The following FAM227B variants were observed in gnomAD, a reference collection of about 807,000 sequenced individuals.
The protein encoded by FAM227B is protein FAM227B.
A neutral mutation model predicts 73.8 loss-of-function variants in FAM227B; 88 were observed. The observed-to-expected ratio is 1.19, with a 90% CI of 1.00 to 1.42. FAM227B has a LOEUF of 1.42. Ranked by LOEUF, FAM227B falls within the 40% of genes most tolerant of loss-of-function variation. The pLI is 0.00. For missense variants in FAM227B, 632 were observed against 590.9 expected (o/e 1.07, Z -0.72); for synonymous variants, 210 against 190.5 (o/e 1.10, Z -0.84).
At chr15:49,414,065 A>G (rs1419226730) in intron 11 of FAM227B, among the ~76,000 whole-genome samples, 2 of 151,926 alleles carry the variant, frequency 1.3e-5, no homozygotes, top group Non-Finnish European at 2.9e-5. Flanking sequence ...TCCTCCAATA[A>G]TTTAAGCTCT....
intron 11 of FAM227B, chr15:49,484,399 A>C (rs1419570515): frequency 5.6e-6 from 9 of 1,594,228 alleles, no homozygotes; most frequent in Non-Finnish European, 6.8e-6. Context: ...CACACAACGG[A>C]GGGGAAATGT....
At chr15:49,390,324 C>G (rs944856911) in intron 11 of FAM227B, among the ~76,000 whole-genome samples, 5 of 152,038 alleles carry the variant, frequency 3.3e-5, no homozygotes, top group African/African-American at 7.2e-5. Flanking sequence ...GAAAAATAAG[C>G]CTTTGTCAGC....
At chr15:49,345,444 T>G (rs543276277) in intron 13 of FAM227B, among the ~76,000 whole-genome samples, 1 of 152,356 alleles carries the variant, frequency 6.6e-6, no homozygotes, top group East Asian at 1.9e-4. Context: ...AGATTTCTGT[T>G]GAAGTGTGTT....
chr15:49,332,139 T>C (rs1335032157), intron 14 of FAM227B, among the ~76,000 whole-genome samples: 1 of 149,414 alleles, frequency 6.7e-6, no homozygotes, highest in African/African-American at 2.4e-5. Context: ...GTCATACACT[T>C]AGCAAGGAGA....
intron 11 of FAM227B, chr15:49,423,044 T>C: frequency 4.5e-6 from 1 of 221,838 alleles, no homozygotes; most frequent in Non-Finnish European, 9.0e-6. Flanking sequence ...ACCAGAGATC[T>C]GTTTCTACAA....
intron 5 of FAM227B, among the ~76,000 whole-genome samples, chr15:49,580,321 C>A (rs35799750): frequency 0.11 from 16,407 of 152,198 alleles, 1,245 homozygotes; most frequent in East Asian, 0.36. Context: ...TGCCCAGCTA[C>A]TAACCAGCAT....
chr15:49,331,039 T>C (rs2038630275), intron 15 of FAM227B: 1 of 152,272 alleles, frequency 6.6e-6, no homozygotes. Context: ...CCCAGGTGTT[T>C]CACTCTTTCT....
chr15:49,435,836 T>C lies in FAM227B; in HGVS notation c.1013-64437A>G, dbSNP rs1461017488. ...CTGCACTGTATAGAAGTAAATCTGT[T>C]ACTGTTGCCATAAATCTTTTAATTT... is the stretch of plus-strand genomic sequence containing the variant. On this transcript the variant is annotated intron_variant, in intron 11 of 15. Transcript: ENST00000299338. Among the ~76,000 whole-genome samples, 4 of 151,744 alleles carry C rather than the reference T, an allele frequency of 2.6e-5. No homozygotes were observed. In the East Asian group the frequency reaches 5.8e-4, roughly 22 times the overall value.
chr15:49,402,268 G>A (rs79365293), intron 11 of FAM227B, among the ~76,000 whole-genome samples: 22,838 of 152,168 alleles, frequency 0.15, 2,211 homozygotes, highest in Non-Finnish European at 0.21. Context: ...CAGAGAAAGG[G>A]CTATTTGGGC....
chr15:49,395,442 G>C (rs1375786937), intron 11 of FAM227B, among the ~76,000 whole-genome samples: 1 of 152,184 alleles, frequency 6.6e-6, no homozygotes, highest in Non-Finnish European at 1.5e-5. Flanking sequence ...AGAGGGAAGA[G>C]TCCTATGTGA....
chr15:49,576,298 C>A (rs2075436419), intron 7 of FAM227B: 1 of 153,022 alleles, frequency 6.5e-6, no homozygotes, highest in Admixed American at 6.5e-5. Context: ...TACCTCCCAA[C>A]ACCTGCAGTT....
At chr15:49,470,999 C>T (rs1358210777) in intron 11 of FAM227B, among the ~76,000 whole-genome samples, 2 of 152,102 alleles carry the variant, frequency 1.3e-5, no homozygotes, top group South Asian at 2.1e-4. Context: ...AGATGGTTAC[C>T]AATTCATGTA....
At chr15:49,491,728 C>G (rs1367770601) in intron 11 of FAM227B, among the ~76,000 whole-genome samples, 1 of 132,868 alleles carries the variant, frequency 7.5e-6, no homozygotes, top group Non-Finnish European at 1.6e-5. Flanking sequence ...TATGCACACA[C>G]ACACACATAT....
chr15:49,443,076 A>T (rs148871079), intron 11 of FAM227B, among the ~76,000 whole-genome samples: 23 of 151,876 alleles, frequency 1.5e-4, no homozygotes, highest in African/African-American at 3.6e-4. Flanking sequence ...ATATGGGATT[A>T]GTTATAAGTA....
intron 3 of FAM227B, among the ~76,000 whole-genome samples, chr15:49,602,729 G>A (rs2077282660): frequency 6.6e-6 from 1 of 152,162 alleles, no homozygotes; most frequent in Non-Finnish European, 1.5e-5. Flanking sequence ...CCAGACCAAT[G>A]TGCTGGAGAG....
intron 9 of FAM227B, among the ~76,000 whole-genome samples, chr15:49,550,648 G>A (rs941084628): frequency 4.6e-5 from 7 of 151,736 alleles, no homozygotes; most frequent in Admixed American, 1.3e-4. Flanking sequence ...CAGGTGGGGC[G>A]GCGGGGCAGA....
At chr15:49,530,089 A>G (rs1413538316) in intron 10 of FAM227B, among the ~76,000 whole-genome samples, 1 of 151,806 alleles carries the variant, frequency 6.6e-6, no homozygotes, top group East Asian at 1.9e-4. Context: ...AGAGTTTTCC[A>G]TGGATATATC....
Position 49,568,283 on chromosome 15 carries a change from T to C in FAM227B, c.709A>G (p.Met237Val), listed in dbSNP as rs1457498930. 3 of 1,610,644 alleles carry C rather than the reference T, an allele frequency of 1.9e-6. No individual in the cohort carries two copies. The South Asian group carries it at 3.3e-5, about 18-fold the overall frequency. ...RISESYVTLF[M>V]SIPLSRKDAF... ...TCCTTTCGACTTAGAGGTATGCTCA[T>C]GAAAAGTGTCACATAACTTTCTGAA... Residue 237 changes from methionine (M) to valine (V), a missense_variant, in exon 9 of 16, where the codon ATG becomes GTG. Coordinates refer to ENST00000299338, the MANE Select transcript of FAM227B (RefSeq NM_152647.3).
At chr15:49,602,161 G>A (rs1441706182) in intron 3 of FAM227B, among the ~76,000 whole-genome samples, 1 of 152,140 alleles carries the variant, frequency 6.6e-6, no homozygotes, top group Non-Finnish European at 1.5e-5. Context: ...TATACACTCA[G>A]CAGTGGGACT....
Sources: allele counts gnomAD v4.1 joint callset (sites outside exome capture counted in the v4.1 genomes callset), GRCh38; gene constraint gnomAD v4.1.1; transcripts MANE v1.5; gene names NCBI Gene and HGNC (gene_info 2026-07-23, HGNC 2026-07-21).